Variants in TSPAN9 observed in about 807,000 individuals in gnomAD.
The protein encoded by TSPAN9 is tetraspanin 9.
Under a neutral mutation model 31.0 loss-of-function variants are expected in TSPAN9, and 16 were observed. The observed-to-expected ratio is 0.52, with a 90% CI of 0.35 to 0.78. The LOEUF (loss-of-function observed/expected upper bound fraction) is 0.78. Ranked by LOEUF, TSPAN9 falls within the 30% of genes least tolerant of loss-of-function variation. The pLI is 0.01. For missense variants in TSPAN9, 272 were observed against 312.5 expected, an observed-to-expected ratio of 0.87 and a Z score of 0.98; for synonymous variants, 145 against 121.6, an observed-to-expected ratio of 1.19 and a Z score of -1.27.
intron 2 of TSPAN9, among the ~76,000 whole-genome samples, chr12:3,150,091 GAGAC>G (rs1329542536): frequency 1.3e-5 from 2 of 152,346 alleles, no homozygotes; most frequent in South Asian, 2.1e-4. Context: ...TCCAGTTTGG[GAGAC>G]AGACAGCACC....
At chr12:3,271,684 G>A in intron 3 of TSPAN9, among the ~76,000 whole-genome samples, 1 of 152,182 alleles carries the variant, frequency 6.6e-6, no homozygotes, top group East Asian at 1.9e-4. Context: ...CAGCAAAGAT[G>A]TGTCTGTGAC....
intron 3 of TSPAN9, among the ~76,000 whole-genome samples, chr12:3,202,089 C>T (rs1287004259): frequency 1.3e-5 from 2 of 152,236 alleles, no homozygotes; most frequent in African/African-American, 4.8e-5. Context: ...TGCTCTCTGT[C>T]CTCTGTGTGA....
chr12:3,126,418 T>C (rs1028549756), intron 2 of TSPAN9, among the ~76,000 whole-genome samples: 1 of 152,252 alleles, frequency 6.6e-6, no homozygotes, highest in Non-Finnish European at 1.5e-5. Flanking sequence ...TGCTGAATAC[T>C]GTAGGCAATT....
chr12:3,226,794 A>ATTTTTTTTTTT (rs1203426057), intron 3 of TSPAN9, among the ~76,000 whole-genome samples: 2 of 16,396 alleles, frequency 1.2e-4, no homozygotes, highest in Non-Finnish European at 2.1e-4. Flanking sequence ...ATATATATAT[A>ATTTTTTTTTTT]TTTTTTTTTT....
chr12:3,214,700 T>A (rs1002220892), intron 3 of TSPAN9, among the ~76,000 whole-genome samples: 1 of 152,008 alleles, frequency 6.6e-6, no homozygotes, highest in East Asian at 1.9e-4. Context: ...CTTCACGCCC[T>A]CTAAGCAGGT....
intron 2 of TSPAN9, among the ~76,000 whole-genome samples, chr12:3,136,740 G>T (rs1381802552): frequency 6.6e-6 from 1 of 152,210 alleles, no homozygotes; most frequent in Non-Finnish European, 1.5e-5. Context: ...TGCCCAGCCA[G>T]TAAGTAAACA....
At chr12:3,267,770 A>C (rs770517166) in intron 3 of TSPAN9, among the ~76,000 whole-genome samples, 49 of 152,184 alleles carry the variant, frequency 3.2e-4, no homozygotes, top group Non-Finnish European at 5.1e-4. Flanking sequence ...GAGTTGAGAC[A>C]GTGCCGTGTG....
At chr12:3,239,532 C>T (rs2098395496) in intron 3 of TSPAN9, among the ~76,000 whole-genome samples, 1 of 152,252 alleles carries the variant, frequency 6.6e-6, no homozygotes, top group African/African-American at 2.4e-5. Flanking sequence ...ACCTTCCCCG[C>T]TCCACTGCCC....
chr12:3,117,282 C>T (rs1382451590), intron 2 of TSPAN9, among the ~76,000 whole-genome samples: 1 of 152,106 alleles, frequency 6.6e-6, no homozygotes, highest in Non-Finnish European at 1.5e-5. Flanking sequence ...TTCCTGCCGT[C>T]ATTTCCTATC....
chr12:3,094,535 G>GT (rs1429442590), intron 2 of TSPAN9, among the ~76,000 whole-genome samples: 72 of 140,530 alleles, frequency 5.1e-4, no homozygotes, highest in African/African-American at 1.7e-3. Context: ...TGTTGTTGTT[G>GT]TTGTTTTTTT....
chr12:3,129,306 C>T lies in TSPAN9; in HGVS notation c.-18+45587C>T, dbSNP rs145581207. On this transcript the variant is annotated intron_variant, in intron 2 of 8. Transcript: ENST00000011898. ...ACCCACCCACAGGACTTTGCACAAC[C>T]GAAATGGATGCACGTGTTAGTAATG... 2.9e-3 allele frequency among the ~76,000 whole-genome samples: 447 copies of T among 152,312 alleles called. 3 individuals carry two copies. The highest frequency in any genetic ancestry group is 0.01 in the African/African-American group (428 of 41,574).
chr12:3,229,418 G>A lies in TSPAN9; in HGVS notation c.63+28162G>A, dbSNP rs528559544. On this transcript the variant is annotated intron_variant, in intron 3 of 8. Coordinates refer to ENST00000011898, the MANE Select transcript of TSPAN9 (RefSeq NM_006675.5). ...CACTCTGCCTTCTTTCCTTCCATCC[G>A]TCCTCATTTCACTCTTGTGTGGCTT... 3.5e-4 allele frequency among the ~76,000 whole-genome samples: 54 copies of A among 152,302 alleles called. No homozygotes were observed. The East Asian group carries it at 5.6e-3, about 16-fold the overall frequency.
At chr12:3,151,874 G>C (rs2098339915) in intron 2 of TSPAN9, among the ~76,000 whole-genome samples, 1 of 152,054 alleles carries the variant, frequency 6.6e-6, no homozygotes, top group Non-Finnish European at 1.5e-5. Flanking sequence ...AGTGAGCCGA[G>C]ATCGTGCTAT....
At chr12:3,161,585 G>A (rs1263221889) in intron 2 of TSPAN9, among the ~76,000 whole-genome samples, 4 of 152,134 alleles carry the variant, frequency 2.6e-5, no homozygotes, top group Non-Finnish European at 5.9e-5. Flanking sequence ...GCCTGGCCTG[G>A]GGAAAGTGCT....
intron 2 of TSPAN9, 154 bp from the exon 3 acceptor site, chr12:3,201,023 G>C (rs1360603042): frequency 1.5e-6 from 1 of 645,562 alleles, no homozygotes; most frequent in African/African-American, 1.9e-5. Flanking sequence ...CCGCCCGTTC[G>C]GCCGCGGCTT....
At chr12:3,097,663 AGGTAGCAGGACTTAGAGCCCAGAGGAAT>A (rs2153964094) in intron 2 of TSPAN9, among the ~76,000 whole-genome samples, 1 of 152,300 alleles carries the variant, frequency 6.6e-6, no homozygotes, top group East Asian at 1.9e-4. Context: ...CAATCTGATA[AGGTAGCAGGACTTAGAGCCCAGAGGAAT>A]GGCTCCCCCC....
rs1565609975 is a variant in TSPAN9 at position 3,197,515 on chromosome 12, C to T, written c.-17-3662C>T. The stretch of plus-strand genomic sequence containing the variant: ...GCTCCCCATCTGAGTTGGGAAGGGG[C>T]TCAGGATGGTAAAACCACTGCAGTT... On this transcript the variant is annotated intron_variant, in intron 2 of 8. Transcript: ENST00000011898. Among the ~76,000 whole-genome samples, 4 of 152,310 alleles carry T rather than the reference C, an allele frequency of 2.6e-5. No homozygotes were observed. The South Asian group carries it at 8.3e-4, about 32-fold the overall frequency.
chr12:3,213,792 A>G lies in TSPAN9; in HGVS notation c.63+12536A>G, dbSNP rs138399342. On this transcript the variant is annotated intron_variant, in intron 3 of 8. Coordinates refer to ENST00000011898, the MANE Select transcript of TSPAN9 (RefSeq NM_006675.5). ...GACAAGATTCTCTGCATTGCCGATT[A>G]GCTTTCTGTCTTCCCACCTAAATGG... Among the ~76,000 whole-genome samples, 599 of 152,284 alleles carry G rather than the reference A, an allele frequency of 3.9e-3. 7 individuals carry two copies. Among genetic ancestry groups the G allele is most frequent in the African/African-American group, 0.013 (559 of 41,560 alleles).
At chr12:3,216,671 G>A (rs1161058068) in intron 3 of TSPAN9, among the ~76,000 whole-genome samples, 1 of 152,248 alleles carries the variant, frequency 6.6e-6, no homozygotes, top group African/African-American at 2.4e-5. Flanking sequence ...CTGGAAGCCC[G>A]TTTGTCACAG....
Sources: allele counts gnomAD v4.1 joint callset (sites outside exome capture counted in the v4.1 genomes callset), GRCh38; gene constraint gnomAD v4.1.1; transcripts MANE v1.5; gene names NCBI Gene and HGNC (gene_info 2026-07-23, HGNC 2026-07-21).